The following RBM28 variants were observed in gnomAD, a reference collection of about 807,000 sequenced individuals.
RBM28 encodes the protein RNA binding motif protein 28.
RBM28 carries 78 observed loss-of-function variants against 98.3 expected under a neutral mutation model. The ratio of observed to expected loss-of-function variants is 0.79; its 90% CI spans 0.66 to 0.96. RBM28 has a LOEUF of 0.96. Among genes scored for constraint, RBM28 ranks in the 40% least tolerant of loss-of-function variants. The pLI, the probability that RBM28 is intolerant of heterozygous loss-of-function variation, is 0.00. For synonymous variants in RBM28, 306 were observed against 330.9 expected (o/e 0.92, Z 0.82); for missense variants, 838 against 913.0 (o/e 0.92, Z 1.06).
rs534718920 is a variant in RBM28 at position 128,339,981 on chromosome 7, C to G, written c.119-190G>C. Among the ~76,000 whole-genome samples, 6 of 152,302 alleles carry G rather than the reference C, an allele frequency of 3.9e-5. No homozygotes were observed. The East Asian group carries it at 1.2e-3, about 29-fold the overall frequency. On this transcript the variant is annotated intron_variant, in intron 1 of 18. Transcript: ENST00000223073. ...AGGGTGGTATCAGTGGTTCCCTCCC[C>G]ACTTTGCTTAGAAACTGTTAGCCTT... is the stretch of plus-strand genomic sequence containing the variant.
chr7:128,330,156 G>C (rs1405302181), intron 10 of RBM28, among the ~76,000 whole-genome samples: 1 of 151,516 alleles, frequency 6.6e-6, no homozygotes, highest in East Asian at 1.9e-4. Flanking sequence ...TCTAACAAAA[G>C]CAACAGGAAA....
At chr7:128,326,758 C>T (rs1400871976) in intron 10 of RBM28, among the ~76,000 whole-genome samples, 1 of 152,192 alleles carries the variant, frequency 6.6e-6, no homozygotes, top group African/African-American at 2.4e-5. Flanking sequence ...AAAGATACCA[C>T]TGCTCTTAAT....
At chr7:128,314,344 A>G (rs1462196205) in intron 17 of RBM28, among the ~76,000 whole-genome samples, 1 of 152,260 alleles carries the variant, frequency 6.6e-6, no homozygotes, top group Non-Finnish European at 1.5e-5. Context: ...TGTCTCTAAA[A>G]ATAAAATAAA....
intron 1 of RBM28, among the ~76,000 whole-genome samples, chr7:128,340,032 G>C (rs1242832707): frequency 1.3e-5 from 2 of 152,084 alleles, no homozygotes; most frequent in African/African-American, 4.8e-5. Flanking sequence ...TAGTGTCTTT[G>C]CTGTTAGCTC....
intron 17 of RBM28, among the ~76,000 whole-genome samples, chr7:128,313,620 C>T (rs981901968): frequency 2.0e-5 from 3 of 152,182 alleles, no homozygotes; most frequent in Admixed American, 6.5e-5. Context: ...CAGAGCAAGA[C>T]CCTGTGACAT....
chr7:128,312,970 G>A, intron 18 of RBM28: 1 of 597,620 alleles, frequency 1.7e-6, no homozygotes, highest in Non-Finnish European at 3.0e-6. Context: ...GGAGACTGCT[G>A]AAACACAGGA....
chr7:128,314,906 G>A lies in RBM28; in HGVS notation c.1903C>T (p.Pro635Ser), dbSNP rs143851037. The A allele has an allele frequency of 7.2e-5, 117 of 1,613,864 alleles. 2 individuals are homozygous for A. Among genetic ancestry groups the A allele is most frequent in the South Asian group, 3.3e-4 (30 of 91,082 alleles). Residue 635 changes from proline to serine, a missense_variant, in exon 17 of 19, where the codon CCC becomes TCC. Transcript: ENST00000223073. ...QHHTEEQSKV[P>S]PEQKRKAGST... is the part of the protein sequence containing the mutation. Reference sequence around the variant, plus strand: ...CCCGCCTTTCTCTTCTGCTCTGGGGGCACCTTGCTTTGTTCCTCTGTGTGG... The same window carrying A: ...CCCGCCTTTCTCTTCTGCTCTGGGGACACCTTGCTTTGTTCCTCTGTGTGG...
intron 14 of RBM28, 103 bp from the exon 15 acceptor site, chr7:128,318,209 G>A: frequency 8.1e-7 from 1 of 1,228,502 alleles, no homozygotes; most frequent in Admixed American, 2.0e-5. Flanking sequence ...TATTGGGTGG[G>A]CATGGTGGTT....
At chr7:128,317,103 C>T (rs1409349917) in intron 16 of RBM28, among the ~76,000 whole-genome samples, 1 of 152,138 alleles carries the variant, frequency 6.6e-6, no homozygotes, top group Non-Finnish European at 1.5e-5. Context: ...TAGTCCTCAG[C>T]AATCATGTGA....
rs1795864745 is a variant in RBM28 at position 128,306,188 on chromosome 7, G to C, written c.*4609C>G. ...AGAGGAAGGGGTCACAATGCCCTGG[G>C]ATGGCTGAGGTCCCCACGGAGATGT... On this transcript the variant is annotated 3_prime_UTR_variant, in exon 19 of 19. Transcript: ENST00000223073. 1 of 152,284 alleles carries C rather than the reference G, an allele frequency of 6.6e-6. No individual in the cohort carries two copies. Among genetic ancestry groups the C allele is most frequent in the South Asian group, 2.1e-4 (1 of 4,832 alleles). 9.4% of individuals were successfully genotyped at this position (152,284 alleles called of 1,614,324 possible).
chr7:128,334,870 T>C (rs1796563206), intron 8 of RBM28, among the ~76,000 whole-genome samples: 1 of 152,160 alleles, frequency 6.6e-6, no homozygotes, highest in South Asian at 2.1e-4. Context: ...GCTGTGCTTA[T>C]AAGAAAAGAG....
At chr7:128,341,052 T>A in intron 1 of RBM28, 9 of 948,566 alleles carry the variant, frequency 9.5e-6, no homozygotes, top group Non-Finnish European at 1.3e-5. Flanking sequence ...ACATTTTGTA[T>A]AGTAAAATTT....
chr7:128,300,247 A>C lies in RBM28; in HGVS notation c.*10550T>G, dbSNP rs1289517463. ...GAATGATCTCTGGACATGAAGCCTG[A>C]GGACCATGCAAGCTCCTTCCTGCCA... is the stretch of plus-strand genomic sequence containing the variant. On this transcript the variant is annotated 3_prime_UTR_variant, in exon 19 of 19. Coordinates refer to ENST00000223073, the MANE Select transcript of RBM28 (RefSeq NM_018077.3). 1 of 152,274 alleles carries C rather than the reference A, an allele frequency of 6.6e-6. No individual in the cohort carries two copies. Among genetic ancestry groups the C allele is most frequent in the Non-Finnish European group, 1.5e-5 (1 of 68,076 alleles). 9.4% of individuals were successfully genotyped at this position (152,274 alleles called of 1,614,324 possible).
intron 18 of RBM28, among the ~76,000 whole-genome samples, chr7:128,312,870 T>C (rs926790071): frequency 2.6e-5 from 4 of 152,244 alleles, no homozygotes; most frequent in Non-Finnish European, 5.9e-5. Flanking sequence ...ATATGTTTCA[T>C]TTTCATATGA....
At chr7:128,339,571 C>A (rs1796676847) in intron 2 of RBM28, 62 bp downstream of exon 2, 1 of 1,567,666 alleles carries the variant, frequency 6.4e-7, no homozygotes, top group Non-Finnish European at 8.8e-7. Flanking sequence ...CTCCCTCTTT[C>A]ATTTTCATAG....
chr7:128,317,748 C>A lies in RBM28; in HGVS notation c.1714-15G>T. 1 of 1,572,716 alleles carries A rather than the reference C, an allele frequency of 6.4e-7. No individual in the cohort carries two copies. Among genetic ancestry groups the A allele is most frequent in the Middle Eastern group, 1.7e-4 (1 of 6,004 alleles). On this transcript the variant is annotated splice_polypyrimidine_tract_variant and intron_variant, in intron 15 of 18. Coordinates refer to ENST00000223073, the MANE Select transcript of RBM28 (RefSeq NM_018077.3). ...ACTATTGGTCTCTGTCAGAGGGAGA[C>A]AGAATGCCATTCATTAGACTTCTTA...
In RBM28 at chr7:128,338,819, G is replaced by GA. The variant is rs1398818722; in HGVS notation, c.373-19dup. The GA allele has an allele frequency of 1.3e-6, 2 of 1,549,568 alleles. No individual in the cohort carries two copies. Among genetic ancestry groups the GA allele is most frequent in the African/African-American group, 2.7e-5 (2 of 73,338 alleles). On this transcript the variant is annotated intron_variant, in intron 3 of 18. Transcript: ENST00000223073. ...TCTGAACACTGAAGCCAAAAGTGAA[G>GA]AAAGAAAAAGAGAAACACAATCACA...
At chr7:128,320,141 C>T (rs1309803635) in intron 14 of RBM28, among the ~76,000 whole-genome samples, 2 of 146,532 alleles carry the variant, frequency 1.4e-5, no homozygotes, top group Non-Finnish European at 3.0e-5. Context: ...CGCTTGAACC[C>T]GGGAGGCGGA....
intron 18 of RBM28, 183 bp downstream of exon 18, chr7:128,312,992 G>T: frequency 3.1e-6 from 2 of 638,800 alleles, no homozygotes; most frequent in Non-Finnish European, 5.5e-6. Flanking sequence ...CAGATACGTG[G>T]AGGTTCATTT....
Sources: gnomAD v4.1 joint callset for allele counts (sites outside exome capture counted in the v4.1 genomes callset) on GRCh38, gnomAD v4.1.1 for gene constraint, MANE v1.5 for transcripts, NCBI Gene and HGNC (gene_info 2026-07-23, HGNC 2026-07-21) for gene names.